FILIP1L: variants seen among roughly 807,000 people sequenced by gnomAD.
FILIP1L encodes filamin A-interacting protein 1-like.
In FILIP1L, 55 loss-of-function variants were observed where a neutral mutation model predicts 96.6. The observed-to-expected ratio is 0.57, with a 90% CI of 0.46 to 0.71. The LOEUF is 0.71. FILIP1L is among the 30% of genes least tolerant of loss of function. FILIP1L has a pLI of 0.00. For missense variants in FILIP1L, 1,304 were observed against 1,321.2 expected (o/e 0.99, Z 0.20); for synonymous variants, 467 against 473.9 (o/e 0.99, Z 0.19).
chr3:99,862,982 T>TAGAA (rs1363539012), intron 4 of FILIP1L, among the ~76,000 whole-genome samples: 1 of 152,190 alleles, frequency 6.6e-6, no homozygotes, highest in Non-Finnish European at 1.5e-5. Flanking sequence ...CTCCTGCTCT[T>TAGAA]CATTTTTTGG....
chr3:99,922,004 T>C lies in FILIP1L; in HGVS notation c.605+2226A>G, dbSNP rs115886300. On this transcript the variant is annotated intron_variant, in intron 4 of 5. Transcript: ENST00000477258. ...TCTCCAGCCTTCCTCCAGAAGATAGTAGAGATACACAGTGAATATCAGAAC... is the reference window on the plus strand; with the variant it reads ...TCTCCAGCCTTCCTCCAGAAGATAGCAGAGATACACAGTGAATATCAGAAC... 4.3e-3 allele frequency among the ~76,000 whole-genome samples: 659 copies of C among 152,276 alleles called. 2 individuals carry two copies. Among genetic ancestry groups the C allele is most frequent in the African/African-American group, 0.014 (578 of 41,542 alleles).
At chr3:99,838,801 G>A (rs1014789539) in intron 5 of FILIP1L, among the ~76,000 whole-genome samples, 1 of 152,026 alleles carries the variant, frequency 6.6e-6, no homozygotes, top group Non-Finnish European at 1.5e-5. Flanking sequence ...CCACTTTCTA[G>A]GGTTGTTGTA....
chr3:99,942,512 C>A (rs1214121881), intron 1 of FILIP1L, among the ~76,000 whole-genome samples: 1 of 152,184 alleles, frequency 6.6e-6, no homozygotes, highest in Non-Finnish European at 1.5e-5. Context: ...GCACTAGGCA[C>A]ATATTGGATA....
chr3:100,063,780 G>C (rs1473752336), intron 1 of FILIP1L, among the ~76,000 whole-genome samples: 10 of 152,118 alleles, frequency 6.6e-5, no homozygotes, highest in East Asian at 1.9e-4. Context: ...CTGGACTTCA[G>C]GGTACAGAGG....
chr3:99,848,914 C>T lies in FILIP1L; in HGVS notation c.2762G>A (p.Ser921Asn). ...AGAGTGAGGACTCTCTGTGGTTGGA[C>T]TTGTGATTTCAAGAGTGGCTGTGTT... ...VQNTATLEIT[S>N]PTTESPHSYT... The change falls in exon 5 of 6, where the codon AGT (serine) becomes AAT (asparagine). Residue 921 changes from serine to asparagine, a missense_variant. Ser to Asn is a conservative substitution (Grantham distance 46). Coordinates refer to ENST00000477258, the MANE Select transcript of FILIP1L (RefSeq NM_001387850.1). 6.2e-7 allele frequency: 1 copy of T among 1,614,064 alleles called. No individual in the cohort carries two copies. Among genetic ancestry groups the T allele is most frequent in the African/African-American group, 1.3e-5 (1 of 74,996 alleles).
rs747301697 is a variant in FILIP1L, at chr3:99,929,858, C to T, written c.424G>A (p.Glu142Lys). Reference sequence around the variant, plus strand: ...CACACCCCTATTGTGGTACATACCTCATTCATTGGTTTCTCATAGATGTCC... The same window carrying T: ...CACACCCCTATTGTGGTACATACCTTATTCATTGGTTTCTCATAGATGTCC... ...QEDIYEKPMN[E>K]LDKVVEKHKE... The change falls in exon 3 of 6, where the codon GAG becomes AAG. Residue 142 changes from glutamate (E) to lysine (K), a missense_variant and splice_region_variant. Glu to Lys is a moderately conservative substitution (Grantham distance 56). Coordinates refer to ENST00000477258, the MANE Select transcript of FILIP1L (RefSeq NM_001387850.1). The T allele has an allele frequency of 1.2e-6, 2 of 1,610,550 alleles. No individual in the cohort carries two copies. Among genetic ancestry groups the T allele is most frequent in the East Asian group, 4.5e-5 (2 of 44,840 alleles).
At chr3:100,050,135 CG>C (rs2065345540) in intron 1 of FILIP1L, among the ~76,000 whole-genome samples, 1 of 152,202 alleles carries the variant, frequency 6.6e-6, no homozygotes, top group African/African-American at 2.4e-5. Context: ...GGGTAGTGTT[CG>C]GGGGCAAATT....
At chr3:99,984,794 A>G (rs2107739794) in intron 1 of FILIP1L, among the ~76,000 whole-genome samples, 1 of 152,354 alleles carries the variant, frequency 6.6e-6, no homozygotes, top group Middle Eastern at 3.4e-3. Flanking sequence ...AGTATATGAT[A>G]AAATCAAGGA....
intron 4 of FILIP1L, among the ~76,000 whole-genome samples, chr3:99,893,401 G>A (rs960279770): frequency 2.0e-5 from 3 of 152,008 alleles, no homozygotes; most frequent in Non-Finnish European, 4.4e-5. Context: ...TCCTGACCTC[G>A]TGATCCGCCT....
At chr3:100,038,183 T>C (rs892356539) in intron 1 of FILIP1L, among the ~76,000 whole-genome samples, 2 of 152,176 alleles carry the variant, frequency 1.3e-5, no homozygotes, top group African/African-American at 4.8e-5. Context: ...CTTGAACTCC[T>C]GACTTCAGGT....
chr3:100,032,250 C>T (rs1163689253), intron 1 of FILIP1L, among the ~76,000 whole-genome samples: 2 of 152,264 alleles, frequency 1.3e-5, no homozygotes, highest in African/African-American at 4.8e-5. Flanking sequence ...CAGATGGATG[C>T]GTTGGCCCTT....
In FILIP1L at chr3:100,002,900, T is replaced by G; in HGVS notation, c.-10-71870A>C. On this transcript the variant is annotated intron_variant, in intron 1 of 5. Transcript: ENST00000477258. ...CATATTGCCTTCTCTGATGAGTATGTGTATGTTCTGAAGCTCTCTCTGCTG... is the reference window on the plus strand; with the variant it reads ...CATATTGCCTTCTCTGATGAGTATGGGTATGTTCTGAAGCTCTCTCTGCTG... Among the ~76,000 whole-genome samples the G allele has an allele frequency of 2.0e-5, 3 of 152,312 alleles. No individual in the cohort carries two copies. In the South Asian group the frequency reaches 6.2e-4, roughly 32 times the overall value.
At chr3:100,045,992 G>A (rs1459438465) in intron 1 of FILIP1L, among the ~76,000 whole-genome samples, 1 of 152,158 alleles carries the variant, frequency 6.6e-6, no homozygotes, top group Non-Finnish European at 1.5e-5. Context: ...TGCATTCTTG[G>A]TGGAAAAATG....
intron 1 of FILIP1L, among the ~76,000 whole-genome samples, chr3:99,989,681 TATA>T (rs200107785): frequency 0.1 from 15,183 of 147,304 alleles, 858 homozygotes; most frequent in Middle Eastern, 0.13. Flanking sequence ...TATATATATA[TATA>T]TTTTTTTTCT....
At chr3:99,974,017 C>A (rs541480354) in intron 1 of FILIP1L, among the ~76,000 whole-genome samples, 33 of 152,204 alleles carry the variant, frequency 2.2e-4, no homozygotes, top group Non-Finnish European at 4.4e-5. Flanking sequence ...AAATCTGAGA[C>A]TAAGTACCAA....
chr3:99,854,002 G>A (rs1236842139), intron 4 of FILIP1L, among the ~76,000 whole-genome samples: 1 of 152,224 alleles, frequency 6.6e-6, no homozygotes, highest in African/African-American at 2.4e-5. Context: ...GGTTGTACAT[G>A]TGTGTCAGAG....
intron 1 of FILIP1L, among the ~76,000 whole-genome samples, chr3:100,111,493 G>A (rs1028751253): frequency 1.3e-5 from 2 of 151,818 alleles, no homozygotes; most frequent in African/African-American, 2.4e-5. Context: ...ATTGATATGC[G>A]AGTTTTATAC....
intron 1 of FILIP1L, among the ~76,000 whole-genome samples, chr3:99,951,157 C>G (rs1266514324): frequency 1.3e-5 from 2 of 152,202 alleles, no homozygotes; most frequent in East Asian, 1.9e-4. Context: ...GGCCTCTTCC[C>G]TCAGCTGTTC....
chr3:100,028,694 TATG>T (rs1222029152), intron 1 of FILIP1L, among the ~76,000 whole-genome samples: 1 of 152,180 alleles, frequency 6.6e-6, no homozygotes, highest in Non-Finnish European at 1.5e-5. Context: ...TGGAAGTATT[TATG>T]ATAATTTATC....
Sources: allele counts gnomAD v4.1 joint callset (sites outside exome capture counted in the v4.1 genomes callset), GRCh38; gene constraint gnomAD v4.1.1; transcripts MANE v1.5; gene names NCBI Gene and HGNC (gene_info 2026-07-23, HGNC 2026-07-21).